Variants in GPC6 observed in about 807,000 individuals in gnomAD.
GPC6 encodes the protein glypican 6, also known as glypican-6.
Under a neutral mutation model 55.2 loss-of-function variants are expected in GPC6, and 14 were observed. That is an observed-to-expected ratio of 0.25 (90% CI 0.17 to 0.40). The LOEUF (loss-of-function observed/expected upper bound fraction) is 0.40, where lower values mean the gene tolerates loss of function less well. Ranked by LOEUF, GPC6 falls within the 10% of genes least tolerant of loss-of-function variation. The pLI, the probability that GPC6 is intolerant of heterozygous loss-of-function variation, is 1.00. For missense variants in GPC6, 641 were observed against 708.5 expected (o/e 0.90, Z 1.08); for synonymous variants, 278 against 259.6 (o/e 1.07, Z -0.68).
intron 1 of GPC6, among the ~76,000 whole-genome samples, chr13:93,238,861 T>G (rs766924405): frequency 3.3e-5 from 5 of 152,180 alleles, no homozygotes; most frequent in Non-Finnish European, 7.4e-5. Context: ...ATAGCTTTTG[T>G]TATTAATTCT....
At chr13:93,588,821 T>A (rs573344066) in intron 2 of GPC6, among the ~76,000 whole-genome samples, 11 of 152,084 alleles carry the variant, frequency 7.2e-5, no homozygotes, top group Non-Finnish European at 1.5e-4. Flanking sequence ...CATTTCAACA[T>A]GAGATTTGGT....
intron 2 of GPC6, among the ~76,000 whole-genome samples, chr13:93,549,453 A>G (rs748606389): frequency 7.9e-5 from 12 of 152,202 alleles, no homozygotes; most frequent in African/African-American, 1.9e-4. Context: ...AAGAGGCAAC[A>G]TCTGACCCTG....
intron 1 of GPC6, among the ~76,000 whole-genome samples, chr13:93,241,431 T>C (rs116924663): frequency 0.045 from 6,863 of 152,268 alleles, 213 homozygotes; most frequent in Non-Finnish European, 0.06. Flanking sequence ...TCTAGTCTCT[T>C]GGTAAAACTT....
intron 3 of GPC6, among the ~76,000 whole-genome samples, chr13:93,940,022 T>A (rs1377553889): frequency 6.6e-6 from 1 of 152,180 alleles, no homozygotes; most frequent in African/African-American, 2.4e-5. Flanking sequence ...TAACTTATTA[T>A]GAAAAATAGT....
intron 1 of GPC6, among the ~76,000 whole-genome samples, chr13:93,361,086 CT>C (rs1168050479): frequency 2.0e-5 from 3 of 152,080 alleles, no homozygotes; most frequent in African/African-American, 7.2e-5. Flanking sequence ...TGAAATCTGG[CT>C]GCTGTTTATA....
At chr13:93,304,405 C>T (rs1878788262) in intron 1 of GPC6, among the ~76,000 whole-genome samples, 3 of 152,190 alleles carry the variant, frequency 2.0e-5, no homozygotes, top group African/African-American at 7.2e-5. Context: ...TCTTTAGGCA[C>T]TCTCCTGGCT....
At chr13:93,239,732 T>C (rs748773564) in intron 1 of GPC6, among the ~76,000 whole-genome samples, 6 of 152,054 alleles carry the variant, frequency 3.9e-5, no homozygotes, top group Admixed American at 2.6e-4. Context: ...GTTGTCAATT[T>C]GTGATCTTTT....
At chr13:94,151,654 G>C (rs1887745443) in intron 4 of GPC6, among the ~76,000 whole-genome samples, 1 of 152,114 alleles carries the variant, frequency 6.6e-6, no homozygotes, top group African/African-American at 2.4e-5. Context: ...TGAGGGCCCT[G>C]TGATGGCAGA....
intron 2 of GPC6, among the ~76,000 whole-genome samples, chr13:93,710,685 A>T (rs920322611): frequency 6.8e-6 from 1 of 146,288 alleles, no homozygotes; most frequent in African/African-American, 2.6e-5. Flanking sequence ...TTGTCATTTA[A>T]AGTCCCCCCC....
chr13:94,359,679 G>C (rs1878965680), intron 6 of GPC6, among the ~76,000 whole-genome samples: 1 of 151,086 alleles, frequency 6.6e-6, no homozygotes. Context: ...TTTTTGAAGA[G>C]ATAAAGGCTA....
At chr13:93,524,947 G>A (rs1881591153) in intron 1 of GPC6, among the ~76,000 whole-genome samples, 1 of 152,068 alleles carries the variant, frequency 6.6e-6, no homozygotes, top group African/African-American at 2.4e-5. Context: ...GAAGGAATCA[G>A]AAATTAGCAA....
intron 1 of GPC6, among the ~76,000 whole-genome samples, chr13:93,251,157 G>T (rs928118861): frequency 6.6e-6 from 1 of 152,152 alleles, no homozygotes; most frequent in Non-Finnish European, 1.5e-5. Context: ...GATGAGATTT[G>T]GGTGGGGACA....
the GPC6 span, among the ~76,000 whole-genome samples, chr13:93,218,037 A>ATGCT: frequency 2.6e-5 from 4 of 151,762 alleles, no homozygotes; most frequent in East Asian, 3.9e-4. Flanking sequence ...GCCTGTTTCT[A>ATGCT]TGCTTGCTTG....
chr13:94,013,465 C>G (rs1188375196), intron 3 of GPC6, among the ~76,000 whole-genome samples: 1 of 152,156 alleles, frequency 6.6e-6, no homozygotes, highest in Non-Finnish European at 1.5e-5. Context: ...ATTCTCCTGC[C>G]TCAGCTTCCC....
intron 2 of GPC6, among the ~76,000 whole-genome samples, chr13:93,646,932 AT>A (rs1428800846): frequency 6.6e-6 from 1 of 152,082 alleles, no homozygotes; most frequent in Non-Finnish European, 1.5e-5. Flanking sequence ...TGACTTTGTA[AT>A]GGCATTTATG....
At chr13:93,996,210 A>G (rs1016821226) in intron 3 of GPC6, among the ~76,000 whole-genome samples, 4 of 152,212 alleles carry the variant, frequency 2.6e-5, no homozygotes, top group African/African-American at 7.2e-5. Flanking sequence ...TTGGAATAGT[A>G]TAATGGTGAT....
chr13:94,358,323 G>A (rs1011760038), intron 6 of GPC6, among the ~76,000 whole-genome samples: 3 of 150,846 alleles, frequency 2.0e-5, no homozygotes, highest in African/African-American at 4.9e-5. Context: ...AAAAGAAAAA[G>A]GACCATGAAT....
At chr13:93,952,053 TAAAG>T (rs1879276586) in intron 3 of GPC6, among the ~76,000 whole-genome samples, 1 of 152,112 alleles carries the variant, frequency 6.6e-6, no homozygotes, top group Non-Finnish European at 1.5e-5. Flanking sequence ...ATGCACTAAA[TAAAG>T]AATTAATAGT....
chr13:94,051,463 T>C (rs1357906532), intron 4 of GPC6, among the ~76,000 whole-genome samples: 1 of 152,206 alleles, frequency 6.6e-6, no homozygotes. Context: ...TCTTGTTGCT[T>C]TTTGAATTTT....
Sources: allele counts gnomAD v4.1 joint callset (sites outside exome capture counted in the v4.1 genomes callset), GRCh38; gene constraint gnomAD v4.1.1; transcripts MANE v1.5; gene names NCBI Gene and HGNC (gene_info 2026-07-23, HGNC 2026-07-21).